Variants in HS3ST4 observed in about 807,000 individuals in gnomAD.
The protein encoded by HS3ST4 is heparan sulfate glucosamine 3-O-sulfotransferase 4.
Under a neutral mutation model 29.2 loss-of-function variants are expected in HS3ST4, and 17 were observed. The ratio of observed to expected loss-of-function variants is 0.58; its 90% CI spans 0.40 to 0.87. HS3ST4 has a LOEUF of 0.87. HS3ST4 is among the 40% of genes least tolerant of loss of function. The pLI is 0.00. For synonymous variants in HS3ST4, 314 were observed against 285.7 expected (o/e 1.10, Z -1.00); for missense variants, 627 against 634.5 (o/e 0.99, Z 0.13).
chr16:26,083,585 A>G (rs1280694934), intron 1 of HS3ST4, among the ~76,000 whole-genome samples: 1 of 152,220 alleles, frequency 6.6e-6, no homozygotes, highest in African/African-American at 2.4e-5. Flanking sequence ...GAAACTGGCC[A>G]CAGACAGTAC....
At chr16:26,088,138 C>T (rs1898811849) in intron 1 of HS3ST4, among the ~76,000 whole-genome samples, 1 of 152,172 alleles carries the variant, frequency 6.6e-6, no homozygotes, top group Non-Finnish European at 1.5e-5. Context: ...TAGCCATTCA[C>T]CCCTGCCCGG....
intron 1 of HS3ST4, among the ~76,000 whole-genome samples, chr16:26,088,102 C>T (rs1596676324): frequency 6.6e-6 from 1 of 152,184 alleles, no homozygotes; most frequent in African/African-American, 2.4e-5. Context: ...CCTGCCTCCA[C>T]ATTCTTGTCT....
chr16:25,854,017 C>T lies in HS3ST4; in HGVS notation c.734+160866C>T, dbSNP rs150347627. ...AGGTATTTGATTACTGATTTGATCT[C>T]CCTATTTGATATTGGTCTATTGAGA... On this transcript the variant is annotated intron_variant, in intron 1 of 1. Transcript: ENST00000331351. 6.5e-4 allele frequency among the ~76,000 whole-genome samples: 99 copies of T among 152,232 alleles called. 1 individual carries two copies. Among genetic ancestry groups the T allele is most frequent in the African/African-American group, 2.0e-3 (85 of 41,556 alleles).
intron 1 of HS3ST4, among the ~76,000 whole-genome samples, chr16:25,852,555 T>C (rs989051136): frequency 6.6e-6 from 1 of 152,082 alleles, no homozygotes; most frequent in Non-Finnish European, 1.5e-5. Context: ...CCATTTTTTT[T>C]TAAATGGGCA....
chr16:26,051,776 C>T (rs997504327), intron 1 of HS3ST4, among the ~76,000 whole-genome samples: 2 of 151,406 alleles, frequency 1.3e-5, no homozygotes, highest in Non-Finnish European at 2.9e-5. Context: ...ACCCCACACA[C>T]TTTCTTTCTT....
At chr16:25,970,040 A>G (rs1423205687) in intron 1 of HS3ST4, among the ~76,000 whole-genome samples, 1 of 152,248 alleles carries the variant, frequency 6.6e-6, no homozygotes, top group East Asian at 1.9e-4. Flanking sequence ...GCATGGGGAA[A>G]TAAATGGATA....
At chr16:26,003,166 A>G (rs1969227810) in intron 1 of HS3ST4, among the ~76,000 whole-genome samples, 1 of 152,214 alleles carries the variant, frequency 6.6e-6, no homozygotes, top group South Asian at 2.1e-4. Flanking sequence ...TAACAACCAG[A>G]GATTATATAA....
intron 1 of HS3ST4, among the ~76,000 whole-genome samples, chr16:25,867,853 G>C (rs991118015): frequency 6.6e-6 from 1 of 151,978 alleles, no homozygotes; most frequent in Non-Finnish European, 1.5e-5. Flanking sequence ...AGTCTTCATC[G>C]GGCCTCAGTT....
chr16:25,788,004 GGGCT>G (rs1231179373), intron 1 of HS3ST4, among the ~76,000 whole-genome samples: 3 of 152,146 alleles, frequency 2.0e-5, no homozygotes, highest in Non-Finnish European at 4.4e-5. Flanking sequence ...TGAACAGTCA[GGGCT>G]GTTAGTTACA....
intron 1 of HS3ST4, among the ~76,000 whole-genome samples, chr16:25,902,237 C>T (rs570730501): frequency 1.1e-4 from 17 of 152,098 alleles, no homozygotes; most frequent in South Asian, 4.1e-4. Context: ...AGATGAAGCC[C>T]GGCATCATGG....
At chr16:26,049,338 TACATCC>T (rs1475132282) in intron 1 of HS3ST4, among the ~76,000 whole-genome samples, 4 of 85,550 alleles carry the variant, frequency 4.7e-5, no homozygotes, top group Non-Finnish European at 6.1e-5. Flanking sequence ...TCCGGAGGTC[TACATCC>T]GGAGGTCTAC....
chr16:26,012,586 G>A (rs1471119568), intron 1 of HS3ST4, among the ~76,000 whole-genome samples: 1 of 152,116 alleles, frequency 6.6e-6, no homozygotes, highest in African/African-American at 2.4e-5. Flanking sequence ...ATACCTCTTG[G>A]GAAGATGAGC....
intron 1 of HS3ST4, among the ~76,000 whole-genome samples, chr16:25,912,632 A>G (rs1968252471): frequency 6.6e-6 from 1 of 152,136 alleles, no homozygotes. Flanking sequence ...CTCACTGCCA[A>G]TTTCTGTGCT....
intron 1 of HS3ST4, among the ~76,000 whole-genome samples, chr16:25,871,328 A>T (rs1381422932): frequency 6.6e-6 from 1 of 152,178 alleles, no homozygotes; most frequent in Non-Finnish European, 1.5e-5. Context: ...GCTGCCCATC[A>T]TTATTCTTCT....
At chr16:25,818,359 A>G (rs1414257810) in intron 1 of HS3ST4, among the ~76,000 whole-genome samples, 2 of 152,188 alleles carry the variant, frequency 1.3e-5, no homozygotes, top group African/African-American at 4.8e-5. Context: ...GGTGTCATCT[A>G]TAAACCAGAA....
At chr16:25,723,912 G>C (rs1297200286) in intron 1 of HS3ST4, among the ~76,000 whole-genome samples, 1 of 152,098 alleles carries the variant, frequency 6.6e-6, no homozygotes, top group Non-Finnish European at 1.5e-5. Flanking sequence ...AAGAGATCGA[G>C]ACCATCTTGG....
chr16:25,818,180 A>G (rs568106236), intron 1 of HS3ST4, among the ~76,000 whole-genome samples: 1 of 152,106 alleles, frequency 6.6e-6, no homozygotes, highest in East Asian at 1.9e-4. Context: ...GTATCCCCCA[A>G]AATCCATATG....
intron 1 of HS3ST4, among the ~76,000 whole-genome samples, chr16:25,832,782 T>C (rs570320987): frequency 7.4e-4 from 112 of 152,324 alleles, no homozygotes; most frequent in African/African-American, 2.6e-3. Flanking sequence ...CTTTCCTTTA[T>C]CCATATTTTA....
chr16:26,070,866 G>A (rs1415506224), intron 1 of HS3ST4, among the ~76,000 whole-genome samples: 1 of 152,196 alleles, frequency 6.6e-6, no homozygotes, highest in African/African-American at 2.4e-5. Flanking sequence ...CATTGACATT[G>A]TTTTTGAGGA....
Sources: gnomAD v4.1 joint callset for allele counts (sites outside exome capture counted in the v4.1 genomes callset) on GRCh38, gnomAD v4.1.1 for gene constraint, MANE v1.5 for transcripts, NCBI Gene and HGNC (gene_info 2026-07-23, HGNC 2026-07-21) for gene names.